Variants in EBF1 observed in about 807,000 individuals in gnomAD.
EBF1 encodes the protein EBF transcription factor 1.
A neutral mutation model predicts 68.4 loss-of-function variants in EBF1; 10 were observed. That is an observed-to-expected ratio of 0.15 (90% confidence interval 0.09 to 0.25). The LOEUF is 0.25. Ranked by LOEUF, EBF1 falls within the 10% of genes least tolerant of loss-of-function variation. The pLI, the probability that EBF1 is intolerant of heterozygous loss-of-function variation, is 1.00. For missense variants in EBF1, 509 were observed against 794.4 expected (o/e 0.64, Z 4.32); for synonymous variants, 298 against 299.8 (o/e 0.99, Z 0.06).
At chr5:158,746,577 G>A (rs1225866361) in intron 10 of EBF1, among the ~76,000 whole-genome samples, 2 of 152,082 alleles carry the variant, frequency 1.3e-5, no homozygotes, top group African/African-American at 2.4e-5. Context: ...AGAGACTGAA[G>A]TTCCCCAAAC....
At chr5:159,081,993 GTAA>G (rs1159380324) in intron 5 of EBF1, among the ~76,000 whole-genome samples, 1 of 152,162 alleles carries the variant, frequency 6.6e-6, no homozygotes, top group Non-Finnish European at 1.5e-5. Context: ...TCTCTGAGTG[GTAA>G]TAATAATTAT....
intron 6 of EBF1, among the ~76,000 whole-genome samples, chr5:158,927,212 G>A (rs985876711): frequency 1.3e-5 from 2 of 152,234 alleles, no homozygotes. Context: ...AGCATTGAAT[G>A]TGATAACTTT....
chr5:159,060,933 T>TACACACACAC lies in EBF1; in HGVS notation c.554+12453_554+12462dup, dbSNP rs72070397. Reference sequence around the variant, plus strand: ...AGATTTAGAGAGGGTTAAAGCTACATACACACACACACACACACACACACA... The same window carrying TACACACACAC: ...AGATTTAGAGAGGGTTAAAGCTACATACACACACACACACACACACACACACACACACACA... On this transcript the variant is annotated intron_variant, in intron 6 of 15. Transcript: ENST00000313708. Among the ~76,000 whole-genome samples the TACACACACAC allele has an allele frequency of 5.6e-3, 812 of 143,770 alleles. 9 individuals carry two copies. The highest frequency in any genetic ancestry group is 0.019 in the African/African-American group (739 of 38,544). The allele number at this position is 143,770 out of a possible 152,430, so 94.3% of individuals were successfully genotyped here.
At chr5:158,770,936 T>C (rs1438728084) in intron 10 of EBF1, among the ~76,000 whole-genome samples, 1 of 152,166 alleles carries the variant, frequency 6.6e-6, no homozygotes, top group Non-Finnish European at 1.5e-5. Context: ...AAACAGGGAT[T>C]GTGTCTGGTT....
At chr5:158,967,193 G>A (rs1358870179) in intron 6 of EBF1, among the ~76,000 whole-genome samples, 1 of 152,194 alleles carries the variant, frequency 6.6e-6, no homozygotes, top group Non-Finnish European at 1.5e-5. Context: ...GGAGTGCTGG[G>A]CACTGTACAT....
chr5:158,939,368 T>C (rs962824065), intron 6 of EBF1, among the ~76,000 whole-genome samples: 1 of 152,204 alleles, frequency 6.6e-6, no homozygotes, highest in African/African-American at 2.4e-5. Flanking sequence ...AGATGAGTAC[T>C]TCCAGCTGCC....
chr5:158,723,163 T>C (rs1315889401), intron 11 of EBF1, among the ~76,000 whole-genome samples: 2 of 152,184 alleles, frequency 1.3e-5, no homozygotes, highest in African/African-American at 2.4e-5. Flanking sequence ...ACATGTGAAT[T>C]CTTCCTGCCG....
intron 6 of EBF1, among the ~76,000 whole-genome samples, chr5:159,006,585 T>C (rs1199715518): frequency 1.5e-5 from 2 of 136,008 alleles, no homozygotes; most frequent in Non-Finnish European, 3.1e-5. Flanking sequence ...ATCCCATCTT[T>C]GACACCACCC....
chr5:158,940,774 C>CCCCCCCCCCCCCCCCCCCCCCCCA (rs1813148834), intron 6 of EBF1, among the ~76,000 whole-genome samples: 1 of 38,472 alleles, frequency 2.6e-5, no homozygotes, highest in Non-Finnish European at 1.1e-4. Context: ...CCCCCCCCCC[C>CCCCCCCCCCCCCCCCCCCCCCCCA]CCCCCGCAGG....
intron 6 of EBF1, among the ~76,000 whole-genome samples, chr5:159,023,623 T>C (rs1767155715): frequency 6.6e-6 from 1 of 152,166 alleles, no homozygotes. Context: ...CAGATAGTGA[T>C]TGGAAAGGAA....
intron 6 of EBF1, among the ~76,000 whole-genome samples, chr5:158,976,925 G>A (rs768273950): frequency 2.6e-5 from 4 of 152,206 alleles, no homozygotes; most frequent in Admixed American, 6.5e-5. Flanking sequence ...AGGGTGGAAA[G>A]TTACAGCAGA....
intron 6 of EBF1, among the ~76,000 whole-genome samples, chr5:158,931,375 A>G (rs1254803225): frequency 6.6e-6 from 1 of 152,200 alleles, no homozygotes; most frequent in African/African-American, 2.4e-5. Flanking sequence ...TGAATGAAAA[A>G]TGAAAATTGT....
At chr5:159,096,143 C>T in intron 3 of EBF1, 200 bp downstream of exon 3, 1 of 609,180 alleles carries the variant, frequency 1.6e-6, no homozygotes, top group Non-Finnish European at 2.9e-6. Context: ...CAGGTAAACG[C>T]GAGACCGATA....
At chr5:158,935,753 A>G (rs183646966) in intron 6 of EBF1, among the ~76,000 whole-genome samples, 90 of 152,352 alleles carry the variant, frequency 5.9e-4, no homozygotes, top group African/African-American at 2.1e-3. Flanking sequence ...TGCAAAATGT[A>G]TCTGAAGTAG....
At chr5:159,008,638 G>A (rs1041018455) in intron 6 of EBF1, among the ~76,000 whole-genome samples, 6 of 150,386 alleles carry the variant, frequency 4.0e-5, no homozygotes, top group African/African-American at 1.5e-4. Context: ...CGATTCTCCC[G>A]CCTCAGCCTC....
At chr5:158,875,228 T>A (rs1367583534) in intron 6 of EBF1, among the ~76,000 whole-genome samples, 2 of 152,202 alleles carry the variant, frequency 1.3e-5, no homozygotes. Flanking sequence ...AACAGAGGAA[T>A]GAAGGTATGA....
chr5:158,756,384 G>C (rs1215125969), intron 10 of EBF1, among the ~76,000 whole-genome samples: 1 of 151,940 alleles, frequency 6.6e-6, no homozygotes, highest in African/African-American at 2.4e-5. Context: ...CAATGGATTT[G>C]TTTTGTAAAA....
intron 6 of EBF1, among the ~76,000 whole-genome samples, chr5:159,056,760 T>G (rs534835557): frequency 6.6e-6 from 1 of 152,332 alleles, no homozygotes; most frequent in African/African-American, 2.4e-5. Flanking sequence ...AGAAAAATTT[T>G]ATTAAGACTT....
chr5:158,811,014 CTCT>C (rs1314288212), intron 8 of EBF1, among the ~76,000 whole-genome samples: 2 of 150,742 alleles, frequency 1.3e-5, no homozygotes, highest in African/African-American at 4.9e-5. Context: ...CCAGGTAAAT[CTCT>C]TTTTTTTGAG....
Sources: gnomAD v4.1 joint callset for allele counts (sites outside exome capture counted in the v4.1 genomes callset) on GRCh38, gnomAD v4.1.1 for gene constraint, MANE v1.5 for transcripts, NCBI Gene and HGNC (gene_info 2026-07-23, HGNC 2026-07-21) for gene names.